RP1: variants seen among roughly 807,000 people sequenced by gnomAD.
RP1 encodes the protein RP1 axonemal microtubule associated, also known as oxygen-regulated protein 1.
RP1 carries 16 observed loss-of-function variants against 14.8 expected under a neutral mutation model. The ratio of observed to expected loss-of-function variants is 1.08; its 90% confidence interval spans 0.73 to 1.65. RP1 has a LOEUF of 1.65. Among genes scored for constraint, RP1 ranks in the 40% most tolerant of loss-of-function variants. The pLI is 0.00. For missense variants in RP1, 2,631 were observed against 2,535.0 expected (o/e 1.04, Z -0.81); for synonymous variants, 876 against 883.6 (o/e 0.99, Z 0.15).
downstream of RP1, among the ~76,000 whole-genome samples, chr8:54,634,141 T>G (rs1806304823): frequency 6.6e-6 from 1 of 152,168 alleles, no homozygotes; most frequent in Non-Finnish European, 1.5e-5. Flanking sequence ...CTTACCATTT[T>G]TCCTACTATT....
At chr8:54,593,240 C>T (rs989389750) in intron 1 of RP1, among the ~76,000 whole-genome samples, 2 of 152,290 alleles carry the variant, frequency 1.3e-5, no homozygotes. Flanking sequence ...CCATCAAGGT[C>T]TAGAGATTTC....
At chr8:54,665,929 T>G (rs1387586350) in intron 7 of RP1, among the ~76,000 whole-genome samples, 2 of 152,130 alleles carry the variant, frequency 1.3e-5, no homozygotes, top group African/African-American at 4.8e-5. Flanking sequence ...TTTTGCCTGC[T>G]TTCTCTGCAT....
At chr8:54,704,679 G>A (rs62514628) in intron 14 of RP1, among the ~76,000 whole-genome samples, 45,531 of 152,036 alleles carry the variant, frequency 0.3, 8,330 homozygotes, top group Middle Eastern at 0.47. Flanking sequence ...TAAGTGAAGT[G>A]CAAATAAACA....
intron 14 of RP1, chr8:54,701,727 CAA>C (rs1808025760): frequency 3.5e-6 from 5 of 1,422,462 alleles, no homozygotes; most frequent in South Asian, 2.7e-5. Flanking sequence ...CCCTATTGAG[CAA>C]AAGTCTTAAA....
intron 24 of RP1, among the ~76,000 whole-genome samples, chr8:54,829,882 G>T (rs1811478219): frequency 6.6e-6 from 1 of 151,916 alleles, no homozygotes; most frequent in Non-Finnish European, 1.5e-5. Context: ...CTGGGGAGGG[G>T]GAAAGGACAA....
At chr8:54,738,773 G>A (rs141607615) in intron 18 of RP1, among the ~76,000 whole-genome samples, 182 of 152,176 alleles carry the variant, frequency 1.2e-3, no homozygotes, top group Non-Finnish European at 2.0e-3. Flanking sequence ...TGTCTGTGAG[G>A]TTCACTGATT....
chr8:54,633,710 C>CCT (rs3077384), downstream of RP1, among the ~76,000 whole-genome samples: 11,903 of 118,166 alleles, frequency 0.1, 818 homozygotes, highest in African/African-American at 0.18. Flanking sequence ...TTATTTTGTG[C>CCT]CTCTCTCTCT....
chr8:54,696,371 A>T, intron 12 of RP1: 1 of 584,632 alleles, frequency 1.7e-6, no homozygotes, highest in East Asian at 2.8e-5. Flanking sequence ...CATTTTAGAA[A>T]ATCTAACTTT....
In RP1 at chr8:54,626,568, GCTT is replaced by G; in HGVS notation, c.2690_2692del (p.Ser897del). The G allele has an allele frequency of 6.2e-7, 1 of 1,613,418 alleles. No individual in the cohort carries two copies. The highest frequency in any genetic ancestry group is 8.5e-7 in the Non-Finnish European group (1 of 1,179,860). On this transcript the variant is annotated inframe_deletion, in exon 4 of 4. Coordinates refer to ENST00000220676, the MANE Select transcript of RP1 (RefSeq NM_006269.2). The stretch of plus-strand genomic sequence containing the variant: ...TGCTACAACCAGGGCAAATTCTTTA[GCTT>G]CTTTGAAAAAACCTGATTTTCCTGA...
At chr8:54,850,310 G>A (rs556872340) in intron 25 of RP1, among the ~76,000 whole-genome samples, 2 of 152,216 alleles carry the variant, frequency 1.3e-5, no homozygotes, top group African/African-American at 4.8e-5. Context: ...GGAAAACATT[G>A]ACATCTTGAA....
chr8:54,794,922 T>A (rs1304101367), intron 24 of RP1, among the ~76,000 whole-genome samples: 3 of 151,926 alleles, frequency 2.0e-5, no homozygotes, highest in Non-Finnish European at 4.4e-5. Flanking sequence ...AATTTAAAAA[T>A]GGGAAAAGAC....
In RP1 at chr8:54,679,854, T is replaced by G; in HGVS notation, c.1638T>G (p.Tyr546Ter). 6.5e-7 allele frequency: 1 copy of G among 1,536,112 alleles called. No homozygotes were observed. The highest frequency in any genetic ancestry group is 8.7e-7 in the Non-Finnish European group (1 of 1,146,878). ...CAAAAGGAAATACTCTTCAGTTCTA[T>G]AACAAGCTGACTGGAGGGTTTGTCC... The change falls in exon 12 of 23, where the codon TAT (tyrosine) becomes TAG (stop). Residue 546 changes from tyrosine (Y) to a stop codon, truncating the protein, a stop_gained. Coordinates refer to the RP1 transcript ENST00000636932. LOFTEE classifies it high-confidence loss of function.
intron 1 of RP1, among the ~76,000 whole-genome samples, chr8:54,583,437 T>C (rs998564994): frequency 1.3e-5 from 2 of 152,232 alleles, no homozygotes; most frequent in African/African-American, 4.8e-5. Flanking sequence ...TTGATGTTCA[T>C]CAGGAATATT....
intron 16 of RP1, among the ~76,000 whole-genome samples, chr8:54,722,264 G>GTTT (rs113532231): frequency 1.4e-4 from 20 of 143,046 alleles, no homozygotes; most frequent in Non-Finnish European, 2.6e-4. Flanking sequence ...TTTTAGAATG[G>GTTT]TTTTTTTTTT....
At chr8:54,608,123 C>A (rs1805505415) in intron 1 of RP1, among the ~76,000 whole-genome samples, 1 of 151,580 alleles carries the variant, frequency 6.6e-6, no homozygotes, top group Non-Finnish European at 1.5e-5. Context: ...AATCACCCAT[C>A]TTCTGTGTTG....
intron 24 of RP1, among the ~76,000 whole-genome samples, chr8:54,832,945 CAAACTTT>C (rs1400575041): frequency 6.6e-6 from 1 of 151,984 alleles, no homozygotes; most frequent in African/African-American, 2.4e-5. Flanking sequence ...TGGTGTAACT[CAAACTTT>C]AAAGTCTTTT....
intron 4 of RP1, among the ~76,000 whole-genome samples, chr8:54,649,571 G>T (rs947705060): frequency 6.6e-6 from 1 of 152,158 alleles, no homozygotes; most frequent in African/African-American, 2.4e-5. Context: ...GGAGATCAGG[G>T]TCTAGAGGGA....
At position 54,622,101 on chromosome 8, in the gene RP1, C is replaced by T. The variant is rs1805896042; in HGVS notation, c.616-16C>T. ...AAATGTGCTCATCTCAGGATAATGA[C>T]TCTGGTCTCTTTTAGGTTCCCAGCC... On this transcript the variant is annotated splice_polypyrimidine_tract_variant and intron_variant, in intron 2 of 3. Coordinates refer to ENST00000220676, the MANE Select transcript of RP1 (RefSeq NM_006269.2). 2 of 1,613,800 alleles carry T rather than the reference C, an allele frequency of 1.2e-6. No homozygotes were observed. The highest frequency in any genetic ancestry group is 2.7e-5 in the African/African-American group (2 of 74,916).
intron 22 of RP1, among the ~76,000 whole-genome samples, chr8:54,769,573 G>A (rs1809850897): frequency 6.6e-6 from 1 of 152,194 alleles, no homozygotes; most frequent in Non-Finnish European, 1.5e-5. Flanking sequence ...TGATGAATGT[G>A]TAATAGGATG....
Sources: allele counts gnomAD v4.1 joint callset (sites outside exome capture counted in the v4.1 genomes callset), GRCh38; gene constraint gnomAD v4.1.1; transcripts MANE v1.5; gene names NCBI Gene and HGNC (gene_info 2026-07-23, HGNC 2026-07-21).